Variants in MED18 observed in about 807,000 individuals in gnomAD.
The protein encoded by MED18 is mediator complex subunit 18.
Under a neutral mutation model 13.9 loss-of-function variants are expected in MED18, and 10 were observed. The observed-to-expected ratio is 0.72, with a 90% CI of 0.44 to 1.22. The LOEUF (loss-of-function observed/expected upper bound fraction) is 1.22. Ranked by LOEUF, MED18 falls within the 50% of genes most tolerant of loss-of-function variation. The probability of loss-of-function intolerance (pLI) is 0.00; values close to 1 mark genes in which losing one functional copy is unlikely to be tolerated. For missense variants in MED18, 216 were observed against 279.0 expected, an observed-to-expected ratio of 0.77 and a Z score of 1.61; for synonymous variants, 88 against 93.2, an observed-to-expected ratio of 0.94 and a Z score of 0.32.
intron 1 of MED18, among the ~76,000 whole-genome samples, chr1:28,330,117 C>G (rs1305595081): frequency 1.3e-5 from 2 of 151,414 alleles, no homozygotes; most frequent in East Asian, 1.9e-4. Context: ...ACTAAAAATA[C>G]AAAAAAAATT....
chr1:28,334,600 G>A lies in MED18; in HGVS notation c.257G>A (p.Arg86His), dbSNP rs757882347. ...MDRAGAPWHL[R>H]YLGQPEMGDK... The stretch of plus-strand genomic sequence containing the variant: ...AGGGCAGGGGCACCCTGGCATCTGC[G>A]CTACCTGGGACAGCCAGAAATGGGA... Residue 86 changes from arginine to histidine, a missense_variant, in exon 3 of 3, where the codon CGC becomes CAC. Arg to His is a conservative substitution (Grantham distance 29, BLOSUM62 0). Coordinates refer to ENST00000373842, the MANE Select transcript of MED18 (RefSeq NM_017638.3). 22 of 1,614,042 alleles carry A rather than the reference G, an allele frequency of 1.4e-5. No homozygotes were observed. Among genetic ancestry groups the A allele is most frequent in the East Asian group, 4.5e-5 (2 of 44,890 alleles).
chr1:28,330,879 A>C (rs1649699646), intron 2 of MED18, 144 bp downstream of exon 2: 1 of 559,882 alleles, frequency 1.8e-6, no homozygotes, highest in Admixed American at 4.1e-5. Context: ...TTATAGTTTT[A>C]TATGCACTAA....
intron 2 of MED18, among the ~76,000 whole-genome samples, chr1:28,331,571 A>T (rs1649736696): frequency 6.6e-6 from 1 of 152,024 alleles, no homozygotes; most frequent in South Asian, 2.1e-4. Flanking sequence ...CCCTCAAGTG[A>T]TATACTTGCC....
intron 2 of MED18, among the ~76,000 whole-genome samples, chr1:28,331,116 C>T (rs1051349637): frequency 9.2e-5 from 14 of 151,366 alleles, no homozygotes; most frequent in African/African-American, 3.4e-4. Flanking sequence ...ATGGTGTGAA[C>T]CTGGGAGGCA....
intron 2 of MED18, 90 bp from the exon 3 acceptor site, chr1:28,334,327 T>C (rs758245973): frequency 2.2e-5 from 30 of 1,387,416 alleles, no homozygotes; most frequent in Non-Finnish European, 4.9e-6. Context: ...CTAAACTGTT[T>C]TGGTTTTTCA....
intron 2 of MED18, 113 bp from the exon 3 acceptor site, chr1:28,334,304 A>G (rs963790911): frequency 9.6e-6 from 11 of 1,140,930 alleles, no homozygotes; most frequent in Non-Finnish European, 1.4e-5. Flanking sequence ...TGTATGTTTT[A>G]TGAAATGCTT....
chr1:28,335,001 T>G lies in MED18; in HGVS notation c.*31T>G. On this transcript the variant is annotated 3_prime_UTR_variant, in exon 3 of 3. Coordinates refer to ENST00000373842, the MANE Select transcript of MED18 (RefSeq NM_017638.3). ...AGGATCTGTCCACATTTGGGGCCTA[T>G]CCTTACTTGTTTGAAAAAATATGTT... The G allele has an allele frequency of 6.5e-7, 1 of 1,533,640 alleles. No homozygotes were observed. The highest frequency in any genetic ancestry group is 1.4e-5 in the African/African-American group (1 of 71,682).
At chr1:28,329,400 C>T (rs1649627571) in intron 1 of MED18, among the ~76,000 whole-genome samples, 1 of 151,216 alleles carries the variant, frequency 6.6e-6, no homozygotes, top group Non-Finnish European at 1.5e-5. Context: ...ATTCTCCTGC[C>T]TCAGCCTCCT....
chr1:28,335,064 C>CTCTGTCTCAAAA lies in MED18; in HGVS notation c.*94_*95insTCTGTCTCAAAA. 1 of 1,220,820 alleles carries CTCTGTCTCAAAA rather than the reference C, an allele frequency of 8.2e-7. No homozygotes were observed. The highest frequency in any genetic ancestry group is 1.1e-6 in the Non-Finnish European group (1 of 884,108). 75.6% of individuals were successfully genotyped at this position (1,220,820 alleles called of 1,614,324 possible). On this transcript the variant is annotated 3_prime_UTR_variant, in exon 3 of 3. Transcript: ENST00000373842. ...TTTTTGTTTTGTTTTGTTTTTGAGA[C>CTCTGTCTCAAAA]AGAGTCTCGCTTTGTTTCCCAGGCT... is the stretch of plus-strand genomic sequence containing the variant.
chr1:28,335,086 G>A lies in MED18; in HGVS notation c.*116G>A, dbSNP rs1423549403. On this transcript the variant is annotated 3_prime_UTR_variant, in exon 3 of 3. Coordinates refer to ENST00000373842, the MANE Select transcript of MED18 (RefSeq NM_017638.3). ...AGACAGAGTCTCGCTTTGTTTCCCA[G>A]GCTGGAGTGCAGTGGCACGATCTCG... is the stretch of plus-strand genomic sequence containing the variant. 2 of 1,028,102 alleles carry A rather than the reference G, an allele frequency of 1.9e-6. No homozygotes were observed. The highest frequency in any genetic ancestry group is 5.2e-5 in the East Asian group (2 of 38,378). 63.7% of individuals were successfully genotyped at this position (1,028,102 alleles called of 1,614,324 possible).
intron 2 of MED18, among the ~76,000 whole-genome samples, chr1:28,332,399 G>A (rs1275630267): frequency 6.6e-6 from 1 of 150,520 alleles, no homozygotes; most frequent in Admixed American, 6.6e-5. Context: ...GACAGAGTGA[G>A]ACCCTACCTA....
At position 28,330,698 on chromosome 1, in the gene MED18, TG is replaced by T; in HGVS notation, c.41del (p.Gly14AlafsTer5). On this transcript the variant is annotated frameshift_variant, in exon 2 of 3. Coordinates refer to ENST00000373842, the MANE Select transcript of MED18 (RefSeq NM_017638.3). LOFTEE classifies it high-confidence loss of function. ...APPVTMMPVTGGTINMMEYLL... is the reference protein window; with the variant it reads ...APPVTMMPVTXGTINMMEYLL... ...CTCCAGTCACCATGATGCCTGTCAC[TG>T]GGGGCACCATTAACATGATGGAGTA... The T allele has an allele frequency of 1.2e-6, 2 of 1,604,848 alleles. No homozygotes were observed. The highest frequency in any genetic ancestry group is 2.3e-5 in the East Asian group (1 of 44,192).
chr1:28,334,189 A>G (rs1166097627), intron 2 of MED18, among the ~76,000 whole-genome samples: 1 of 152,244 alleles, frequency 6.6e-6, no homozygotes, highest in Admixed American at 6.5e-5. Context: ...AAGACTTTGT[A>G]GTGCTAAATA....
rs1308784676 is a variant in MED18 at position 28,334,570 on chromosome 1, T to C, written c.227T>C (p.Met76Thr). The change falls in exon 3 of 3, where the codon ATG (methionine) becomes ACG (threonine). Residue 76 changes from methionine to threonine, a missense_variant. Coordinates refer to ENST00000373842, the MANE Select transcript of MED18 (RefSeq NM_017638.3). Reference sequence around the variant, plus strand: ...TTTGTTCTCAGGGCCCGACGCTCTATGGACAGGGCAGGGGCACCCTGGCAT... The same window carrying C: ...TTTGTTCTCAGGGCCCGACGCTCTACGGACAGGGCAGGGGCACCCTGGCAT... ...SPFVLRARRS[M>T]DRAGAPWHLR... 1.2e-6 allele frequency: 2 copies of C among 1,614,070 alleles called. No homozygotes were observed. The highest frequency in any genetic ancestry group is 1.7e-6 in the Non-Finnish European group (2 of 1,180,044).
rs1203623198 is a variant in MED18, at chr1:28,335,038, G to T, written c.*68G>T. 2.1e-6 allele frequency: 3 copies of T among 1,443,104 alleles called. No individual in the cohort carries two copies. Among genetic ancestry groups the T allele is most frequent in the Non-Finnish European group, 1.9e-6 (2 of 1,066,860 alleles). The allele number at this position is 1,443,104 out of a possible 1,614,324, so 89.4% of individuals were successfully genotyped here. A position where few individuals can be genotyped will look rare whatever the true frequency, so the allele number is the denominator to read the frequency against. On this transcript the variant is annotated 3_prime_UTR_variant, in exon 3 of 3. Transcript: ENST00000373842. ...TGAAAAAATATGTTTGCTTTTTTTG[G>T]TTTTTGTTTTGTTTTGTTTTTGAGA...
At position 28,329,421 on chromosome 1, in the gene MED18, G is replaced by GAT. The variant is rs560507155; in HGVS notation, c.-67+242_-67+243dup. On this transcript the variant is annotated intron_variant, in intron 1 of 2. Coordinates refer to ENST00000373842, the MANE Select transcript of MED18 (RefSeq NM_017638.3). ...CTGCCTCAGCCTCCTGAGGAGCTGG[G>GAT]ATTACAGGCGCTCGCCACCAGGCCT... Among the ~76,000 whole-genome samples, 20 of 151,890 alleles carry GAT rather than the reference G, an allele frequency of 1.3e-4. No individual in the cohort carries two copies. In the South Asian group the frequency reaches 4.0e-3, roughly 30 times the overall value.
chr1:28,329,859 A>G (rs186465834), intron 1 of MED18, among the ~76,000 whole-genome samples: 172 of 152,304 alleles, frequency 1.1e-3, no homozygotes, highest in Middle Eastern at 3.4e-3. Context: ...GTCCCTCTCC[A>G]AGTCTCAATA....
Position 28,330,621 on chromosome 1 carries a change from GGGGGCTCT to G in MED18, c.-40_-33del, listed in dbSNP as rs1432305489. ...GGTATATCCCGTGCCTTACCTGACT[GGGGGCTCT>G]GAGTCCAGTTGTGTTGTCTTCAACT... On this transcript the variant is annotated 5_prime_UTR_variant, in exon 2 of 3. Transcript: ENST00000373842. The G allele has an allele frequency of 1.3e-6, 2 of 1,540,492 alleles. No homozygotes were observed. The highest frequency in any genetic ancestry group is 1.8e-6 in the Non-Finnish European group (2 of 1,122,530).
Position 28,333,182 on chromosome 1 carries a change from T to G in MED18, c.74-1235T>G, listed in dbSNP as rs563022674. Among the ~76,000 whole-genome samples, 17 of 152,104 alleles carry G rather than the reference T, an allele frequency of 1.1e-4. No individual in the cohort carries two copies. The South Asian group carries it at 3.5e-3, about 32-fold the overall frequency. ...TAGGCATCCAAGTGAGGAAACTGAG[T>G]AGGAAGTTGGATGTTTTCATCTGTA... On this transcript the variant is annotated intron_variant, in intron 2 of 2. Coordinates refer to ENST00000373842, the MANE Select transcript of MED18 (RefSeq NM_017638.3).
Sources: allele counts gnomAD v4.1 joint callset (sites outside exome capture counted in the v4.1 genomes callset), GRCh38; gene constraint gnomAD v4.1.1; transcripts MANE v1.5; gene names NCBI Gene and HGNC (gene_info 2026-07-23, HGNC 2026-07-21).